The following TMOD3 variants were observed in gnomAD, a reference collection of about 807,000 sequenced individuals.
TMOD3 encodes the protein tropomodulin-3.
In TMOD3, 20 loss-of-function variants were observed where a neutral mutation model predicts 39.2. That is an observed-to-expected ratio of 0.51 (90% confidence interval 0.36 to 0.74). The LOEUF (loss-of-function observed/expected upper bound fraction) is 0.74, where lower values mean the gene tolerates loss of function less well. Among genes scored for constraint, TMOD3 ranks in the 30% least tolerant of loss-of-function variants. The probability of loss-of-function intolerance (pLI) is 0.00; values close to 1 mark genes in which losing one functional copy is unlikely to be tolerated. For missense variants in TMOD3, 381 were observed against 412.8 expected (o/e 0.92, Z 0.67); for synonymous variants, 143 against 145.8 (o/e 0.98, Z 0.14).
chr15:51,848,962 CT>C (rs1053506917), intron 1 of TMOD3, among the ~76,000 whole-genome samples: 2 of 152,172 alleles, frequency 1.3e-5, no homozygotes, highest in African/African-American at 4.8e-5. Flanking sequence ...TTAACATAAT[CT>C]GTAGAAGTAT....
chr15:51,900,109 G>A, intron 7 of TMOD3, 46 bp from the exon 8 acceptor site: 1 of 1,559,480 alleles, frequency 6.4e-7, no homozygotes, highest in Non-Finnish European at 8.8e-7. Context: ...TATGTAGTAG[G>A]TACTGTATCA....
chr15:51,871,852 A>G (rs572851021), intron 3 of TMOD3, among the ~76,000 whole-genome samples: 1 of 152,236 alleles, frequency 6.6e-6, no homozygotes, highest in South Asian at 2.1e-4. Context: ...AAATGGAAGT[A>G]GTTGAACAAG....
At chr15:51,908,612 GTTT>G (rs543529390) in intron 9 of TMOD3, among the ~76,000 whole-genome samples, 161 bp from the exon 10 acceptor site, 5 of 120,862 alleles carry the variant, frequency 4.1e-5, no homozygotes, top group Non-Finnish European at 3.6e-5. Context: ...GAAGTAGGTT[GTTT>G]TTTTTTTTTT....
At chr15:51,835,148 T>C (rs1729852348) in intron 1 of TMOD3, 2 of 152,180 alleles carry the variant, frequency 1.3e-5, no homozygotes, top group Admixed American at 1.3e-4. Flanking sequence ...CCTTATAAAA[T>C]AGGCAGATGT....
intron 9 of TMOD3, 59 bp downstream of exon 9, chr15:51,902,095 A>G (rs1322716436): frequency 3.8e-6 from 6 of 1,574,736 alleles, no homozygotes; most frequent in Non-Finnish European, 5.2e-6. Context: ...TATTGGGGGA[A>G]CTTCTTTCCC....
At chr15:51,895,463 G>T (rs1340256381) in intron 6 of TMOD3, among the ~76,000 whole-genome samples, 1 of 151,944 alleles carries the variant, frequency 6.6e-6, no homozygotes, top group African/African-American at 2.4e-5. Context: ...CAAGTGATTC[G>T]CCCACCTTGG....
At chr15:51,880,282 C>T (rs532975189) in intron 3 of TMOD3, among the ~76,000 whole-genome samples, 2 of 152,210 alleles carry the variant, frequency 1.3e-5, no homozygotes, top group Admixed American at 1.3e-4. Context: ...AAAACCCATA[C>T]TAATAAGTCA....
intron 1 of TMOD3, chr15:51,860,936 A>G (rs964144790): frequency 1.1e-5 from 5 of 463,190 alleles, no homozygotes; most frequent in African/African-American, 1.0e-4. Flanking sequence ...ACTCCATCTC[A>G]AAAAACAAAC....
At chr15:51,867,777 C>A (rs1386025163) in intron 2 of TMOD3, among the ~76,000 whole-genome samples, 1 of 152,176 alleles carries the variant, frequency 6.6e-6, no homozygotes. Context: ...AAATATGAGA[C>A]AAGGCAGTAT....
chr15:51,878,130 T>C (rs1014507108), intron 3 of TMOD3, among the ~76,000 whole-genome samples: 2 of 152,256 alleles, frequency 1.3e-5, no homozygotes. Context: ...ATCTGCAGCC[T>C]GGAACCTTTC....
At chr15:51,889,803 G>T (rs1289626226) in intron 5 of TMOD3, among the ~76,000 whole-genome samples, 1 of 152,178 alleles carries the variant, frequency 6.6e-6, no homozygotes, top group African/African-American at 2.4e-5. Flanking sequence ...GCTTGAGGCT[G>T]CAGTGAGCTG....
At chr15:51,839,181 A>ATTTTTT (rs2056301539) in intron 1 of TMOD3, among the ~76,000 whole-genome samples, 9 of 65,708 alleles carry the variant, frequency 1.4e-4, no homozygotes, top group African/African-American at 4.0e-4. Context: ...TTTTTTTTCC[A>ATTTTTT]TTTTGTTTGA....
rs528018364 is a variant in TMOD3, at chr15:51,884,183, T to C, written c.284-3406T>C. 1.6e-4 allele frequency among the ~76,000 whole-genome samples: 24 copies of C among 152,340 alleles called. 1 individual carries two copies. In the South Asian group the frequency reaches 5.0e-3, roughly 32 times the overall value. ...GCTGTGCTGTGTGACTTTGAGCCCA[T>C]GTATTTAAATTACACTTTATGAAAT... On this transcript the variant is annotated intron_variant, in intron 3 of 9. Coordinates refer to ENST00000308580, the MANE Select transcript of TMOD3 (RefSeq NM_014547.5).
intron 1 of TMOD3, among the ~76,000 whole-genome samples, chr15:51,840,040 T>G (rs1440197700): frequency 6.6e-6 from 1 of 152,182 alleles, no homozygotes; most frequent in Non-Finnish European, 1.5e-5. Context: ...AGGCACTATA[T>G]TAGGGGCTGA....
intron 7 of TMOD3, among the ~76,000 whole-genome samples, chr15:51,899,573 G>C (rs533192506): frequency 1.3e-5 from 2 of 152,048 alleles, no homozygotes; most frequent in African/African-American, 4.8e-5. Flanking sequence ...AGCTGAGGTG[G>C]GAAGATCAAT....
At chr15:51,882,403 G>T (rs952635867) in intron 3 of TMOD3, among the ~76,000 whole-genome samples, 2 of 151,908 alleles carry the variant, frequency 1.3e-5, no homozygotes, top group Middle Eastern at 3.2e-3. Flanking sequence ...GGAGGCTGAG[G>T]TACGAGAATC....
At position 51,893,955 on chromosome 15, in the gene TMOD3, C is replaced by G; in HGVS notation, c.627+10C>G. On this transcript the variant is annotated intron_variant, in intron 6 of 9. Coordinates refer to ENST00000308580, the MANE Select transcript of TMOD3 (RefSeq NM_014547.5). ...TTTGAATAATATAAAGGTAAGTGTG[C>G]TAATCAGAGTGGTTTTGTATTGCTT... The G allele has an allele frequency of 1.9e-6, 3 of 1,575,992 alleles. No individual in the cohort carries two copies. The highest frequency in any genetic ancestry group is 2.6e-6 in the Non-Finnish European group (3 of 1,156,724).
intron 1 of TMOD3, among the ~76,000 whole-genome samples, chr15:51,856,641 C>A (rs1469370031): frequency 2.0e-5 from 3 of 150,066 alleles, no homozygotes; most frequent in African/African-American, 7.4e-5. Flanking sequence ...ATTCTTCACA[C>A]AATAAGGAAC....
intron 1 of TMOD3, chr15:51,859,802 C>T (rs763941845): frequency 2.8e-5 from 14 of 506,938 alleles, no homozygotes; most frequent in Non-Finnish European, 4.8e-5. Flanking sequence ...GTCCCAGCTA[C>T]TGCCACCTCT....
Sources: allele counts gnomAD v4.1 joint callset (sites outside exome capture counted in the v4.1 genomes callset), GRCh38; gene constraint gnomAD v4.1.1; transcripts MANE v1.5; gene names NCBI Gene and HGNC (gene_info 2026-07-23, HGNC 2026-07-21).